Variants in ACSS1 observed in about 807,000 individuals in gnomAD.
ACSS1 encodes acyl-CoA synthetase short chain family member 1.
A neutral mutation model predicts 75.3 loss-of-function variants in ACSS1; 42 were observed. That is an observed-to-expected ratio of 0.56 (90% CI 0.44 to 0.72). The LOEUF is 0.72. Ranked by LOEUF, ACSS1 falls within the 30% of genes least tolerant of loss-of-function variation. The probability of loss-of-function intolerance (pLI) is 0.00; values close to 1 mark genes in which losing one functional copy is unlikely to be tolerated. For missense variants in ACSS1, 782 were observed against 935.7 expected (o/e 0.84, Z 2.14); for synonymous variants, 380 against 376.8 (o/e 1.01, Z -0.10).
chr20:25,017,992 C>T (rs1404513213), intron 7 of ACSS1, among the ~76,000 whole-genome samples: 2 of 152,234 alleles, frequency 1.3e-5, no homozygotes, highest in Non-Finnish European at 2.9e-5. Context: ...CTACATGGCC[C>T]AGGCAGTCAG....
In ACSS1 at chr20:25,028,491, G is replaced by A. The variant is rs562190292; in HGVS notation, c.631+2268C>T. ...TATATGGTCAAATTATTTTCAACAA[G>A]AGTACCAAGTCCATTTAACAGGGAA... On this transcript the variant is annotated intron_variant, in intron 3 of 13. Transcript: ENST00000323482. 5.3e-4 allele frequency among the ~76,000 whole-genome samples: 81 copies of A among 152,244 alleles called. 1 individual carries two copies. The highest frequency in any genetic ancestry group is 1.9e-3 in the African/African-American group (80 of 41,542).
rs114836364 is a variant in ACSS1 at position 25,016,496 on chromosome 20, G to A, written c.1247-1266C>T. On this transcript the variant is annotated intron_variant, in intron 7 of 13. Transcript: ENST00000323482. The stretch of plus-strand genomic sequence containing the variant: ...TCAGCCAGAACTCACCAGGCTAGAC[G>A]TGCTATCACTAAAACACTGAAATAC... Among the ~76,000 whole-genome samples the A allele has an allele frequency of 8.4e-3, 1,274 of 152,304 alleles. 19 individuals are homozygous for A. The highest frequency in any genetic ancestry group is 0.029 in the African/African-American group (1,212 of 41,548).
At chr20:25,032,547 G>A in intron 2 of ACSS1, 1 of 1,252,048 alleles carries the variant, frequency 8.0e-7, no homozygotes. Flanking sequence ...AAGAATGAGG[G>A]GAAGCCAAGG....
Position 25,048,114 on chromosome 20 carries a change from C to T in ACSS1, c.402G>A (p.Glu134=), listed in dbSNP as rs191234596. 1,532 of 1,613,786 alleles carry T rather than the reference C, an allele frequency of 9.5e-4. 4 individuals carry two copies. Among genetic ancestry groups the T allele is most frequent in the Non-Finnish European group, 7.0e-4 (828 of 1,179,988 alleles). Reference sequence around the variant, plus strand: ...AGGTGATCCTCACTTCCGTTCCAGGCTCATCGCGCTCCCAGATCAAAGCAA... The same window carrying T: ...AGGTGATCCTCACTTCCGTTCCAGGTTCATCGCGCTCCCAGATCAAAGCAA... ...ESVALIWERD[E]PGTEVRITYR... is the part of the protein sequence containing the mutation. Residue 134 remains glutamate, a synonymous_variant, in exon 2 of 14, where the codon GAG becomes GAA. Transcript: ENST00000323482.
chr20:25,035,474 C>G (rs6050265), intron 2 of ACSS1, among the ~76,000 whole-genome samples: 1,612 of 151,988 alleles, frequency 0.011, 31 homozygotes, highest in African/African-American at 0.036. Context: ...GGTGCCATCT[C>G]CGCTCACTGC....
intron 8 of ACSS1, among the ~76,000 whole-genome samples, chr20:25,014,373 G>GA (rs1312919059): frequency 3.6e-4 from 55 of 152,234 alleles, no homozygotes; most frequent in South Asian, 6.2e-4. Context: ...TGCACATGAA[G>GA]ACGGAGAAAA....
intron 3 of ACSS1, among the ~76,000 whole-genome samples, chr20:25,028,535 A>C (rs767936870): frequency 1.3e-5 from 2 of 152,264 alleles, no homozygotes; most frequent in African/African-American, 2.4e-5. Context: ...CCTCTTTAGC[A>C]AATGGCGCTG....
intron 2 of ACSS1, among the ~76,000 whole-genome samples, chr20:25,043,611 C>T (rs889845623): frequency 6.6e-6 from 1 of 152,232 alleles, no homozygotes; most frequent in Non-Finnish European, 1.5e-5. Context: ...CTCTGCTTCT[C>T]TGGTCAGGGG....
At chr20:25,057,680 C>T in intron 1 of ACSS1, 89 bp downstream of exon 1, 1 of 1,354,934 alleles carries the variant, frequency 7.4e-7, no homozygotes, top group Admixed American at 2.4e-5. Flanking sequence ...ATCCGCGCTG[C>T]CCGGGGACGG....
Position 25,015,175 on chromosome 20 carries a change from G to C in ACSS1, c.1302C>G (p.Asp434Glu), listed in dbSNP as rs371688417. 6.2e-7 allele frequency: 1 copy of C among 1,613,242 alleles called. No individual in the cohort carries two copies. The highest frequency in any genetic ancestry group is 2.2e-5 in the East Asian group (1 of 44,824). ...AGGTGTCCACCAGCGTGCACCTGCT[G>C]TCCCCCACCACCCTGTGAAGCCACT... is the stretch of plus-strand genomic sequence containing the variant. ...AWEWLHRVVGDSRCTLVDTWW... is the reference protein window; with the variant it reads ...AWEWLHRVVGESRCTLVDTWW... Residue 434 changes from aspartate (D) to glutamate (E), a missense_variant, in exon 8 of 14, where the codon GAC becomes GAG. This residue lies in a region of ACSS1 where 405 missense variants were observed against 552.6 expected (regional missense o/e 0.73). Transcript: ENST00000323482.
rs537540975 is a variant in ACSS1 at position 25,007,899 on chromosome 20, G to A, written c.1933C>T (p.Arg645Trp). Reference protein sequence around the residue: ...LPKTRSGKVMRRLLRKIITSE... With the variant: ...LPKTRSGKVMWRLLRKIITSE... ...GTGATGATCTTCCTCAGGAGCCGCC[G>A]CATGACCTTCCCAGACCTGGTTTTT... Residue 645 changes from arginine to tryptophan, a missense_variant, in exon 14 of 14, where the codon CGG becomes TGG. Arg to Trp is a moderately radical substitution (Grantham distance 101). Transcript: ENST00000323482. 4.2e-5 allele frequency: 67 copies of A among 1,614,074 alleles called. No individual in the cohort carries two copies. Among genetic ancestry groups the A allele is most frequent in the Non-Finnish European group, 5.1e-5 (60 of 1,180,034 alleles).
At chr20:25,026,855 G>T (rs901746212) in intron 3 of ACSS1, among the ~76,000 whole-genome samples, 27 of 152,150 alleles carry the variant, frequency 1.8e-4, no homozygotes, top group Admixed American at 6.5e-5. Context: ...CATGGCCCCT[G>T]CCCTCCCATG....
At chr20:25,023,734 G>C in intron 3 of ACSS1, 93 bp from the exon 4 acceptor site, 2 of 1,250,968 alleles carry the variant, frequency 1.6e-6, no homozygotes, top group Non-Finnish European at 2.2e-6. Flanking sequence ...GCCTAGGAGT[G>C]TGAGAAACTC....
chr20:25,048,704 G>A (rs11908037), intron 1 of ACSS1, among the ~76,000 whole-genome samples: 2 of 152,194 alleles, frequency 1.3e-5, no homozygotes, highest in South Asian at 2.1e-4. Context: ...CGTGTTCCAC[G>A]AGCACCCAGT....
At chr20:25,018,696 G>T (rs559789446) in intron 7 of ACSS1, among the ~76,000 whole-genome samples, 1 of 152,286 alleles carries the variant, frequency 6.6e-6, no homozygotes, top group South Asian at 2.1e-4. Context: ...TGAAGATAAA[G>T]GCATTTAATA....
rs759633843 is a variant in ACSS1, at chr20:25,016,093, G to T, written c.1247-863C>A. ...ATATGGCACGCTCCTGCAGAGGAAC[G>T]CCACATTGCAAAGAAGATGGCGAAC... On this transcript the variant is annotated intron_variant, in intron 7 of 13. Coordinates refer to ENST00000323482, the MANE Select transcript of ACSS1 (RefSeq NM_032501.4). Among the ~76,000 whole-genome samples, 7 of 152,154 alleles carry T rather than the reference G, an allele frequency of 4.6e-5. No homozygotes were observed. The East Asian group carries it at 1.2e-3, about 25-fold the overall frequency.
At chr20:25,052,834 C>T (rs927069184) in intron 1 of ACSS1, among the ~76,000 whole-genome samples, 2 of 152,228 alleles carry the variant, frequency 1.3e-5, no homozygotes, top group Non-Finnish European at 2.9e-5. Context: ...CACAGCTGGA[C>T]GCAGTCGGCC....
In ACSS1 at chr20:25,058,008, C is replaced by T; in HGVS notation, c.95G>A (p.Ser32Asn). 6.8e-7 allele frequency: 1 copy of T among 1,462,992 alleles called. No homozygotes were observed. The highest frequency in any genetic ancestry group is 9.0e-7 in the Non-Finnish European group (1 of 1,108,976). 90.6% of individuals were successfully genotyped at this position (1,462,992 alleles called of 1,614,324 possible). A position where few individuals can be genotyped will look rare whatever the true frequency, so the allele number is the denominator to read the frequency against. ...TCCCGAGGCCGCCCTGCGCGGCGCG[C>T]TCACCCCGCACGGCGGCCGCGCGGG... ...GQPARPPCGV[S>N]APRRAASGPS... The change falls in exon 1 of 14, where the codon AGC (serine) becomes AAC (asparagine). Residue 32 changes from serine (S) to asparagine (N), a missense_variant. Ser to Asn is a conservative substitution (Grantham distance 46). Coordinates refer to ENST00000323482, the MANE Select transcript of ACSS1 (RefSeq NM_032501.4).
chr20:25,026,298 C>A (rs1600324032), intron 3 of ACSS1, among the ~76,000 whole-genome samples: 1 of 152,222 alleles, frequency 6.6e-6, no homozygotes, highest in East Asian at 1.9e-4. Context: ...TCCAGGTCTC[C>A]TCCCCTTGAA....
Sources: gnomAD v4.1 joint callset for allele counts (sites outside exome capture counted in the v4.1 genomes callset) on GRCh38, gnomAD v4.1.1 for gene constraint, gnomAD v4.1.1 regional missense constraint, MANE v1.5 for transcripts, NCBI Gene and HGNC (gene_info 2026-07-23, HGNC 2026-07-21) for gene names.